The following CMSS1 variants were observed in gnomAD, a reference collection of about 807,000 sequenced individuals.
CMSS1 encodes the protein cms1 ribosomal small subunit homolog, also known as protein CMSS1.
A neutral mutation model predicts 43.5 loss-of-function variants in CMSS1; 33 were observed. The ratio of observed to expected loss-of-function variants is 0.76; its 90% CI spans 0.57 to 1.01. The LOEUF (loss-of-function observed/expected upper bound fraction) is 1.01, where lower values mean the gene tolerates loss of function less well. Among genes scored for constraint, CMSS1 ranks in the 50% least tolerant of loss-of-function variants. The probability of loss-of-function intolerance (pLI) is 0.00; values close to 1 mark genes in which losing one functional copy is unlikely to be tolerated. For synonymous variants in CMSS1, 115 were observed against 117.2 expected (o/e 0.98, Z 0.12); for missense variants, 313 against 326.4 (o/e 0.96, Z 0.32).
intron 1 of CMSS1, among the ~76,000 whole-genome samples, chr3:100,124,268 TGA>T (rs1468487809): frequency 6.6e-6 from 1 of 151,996 alleles, no homozygotes; most frequent in East Asian, 1.9e-4. Context: ...AATTCTGAGG[TGA>T]GAGATATTTC....
intron 1 of CMSS1, among the ~76,000 whole-genome samples, chr3:99,903,245 T>C (rs778641194): frequency 2.7e-5 from 4 of 150,090 alleles, no homozygotes; most frequent in South Asian, 2.1e-4. Flanking sequence ...TGTATATGTA[T>C]ACACATATGC....
chr3:100,064,873 AG>A (rs927520353), intron 1 of CMSS1, among the ~76,000 whole-genome samples: 3 of 100,050 alleles, frequency 3.0e-5, no homozygotes, highest in African/African-American at 1.2e-4. Context: ...AGATTTGGCC[AG>A]GGGCCTGGGG....
intron 5 of CMSS1, 119 bp from the exon 6 acceptor site, chr3:100,167,619 G>T: frequency 1.9e-6 from 1 of 515,070 alleles, no homozygotes. Context: ...TAATTATAAT[G>T]AACCATGCTT....
intron 1 of CMSS1, chr3:99,848,981 C>G: frequency 6.2e-7 from 1 of 1,613,998 alleles, no homozygotes; most frequent in Non-Finnish European, 8.5e-7. Context: ...AGTGGCTGCC[C>G]AGGTGTGTGG....
intron 1 of CMSS1, among the ~76,000 whole-genome samples, chr3:100,109,533 T>C (rs2066452927): frequency 6.6e-6 from 1 of 152,074 alleles, no homozygotes; most frequent in Non-Finnish European, 1.5e-5. Context: ...TCTGTCCCTA[T>C]AGTTTTTGGG....
intron 1 of CMSS1, among the ~76,000 whole-genome samples, chr3:99,975,936 G>A (rs1708956800): frequency 6.6e-6 from 1 of 152,318 alleles, no homozygotes; most frequent in East Asian, 1.9e-4. Flanking sequence ...CCAGGCTGGA[G>A]TGCAGTGGCA....
intron 1 of CMSS1, among the ~76,000 whole-genome samples, chr3:99,993,943 G>T (rs571789171): frequency 1.3e-5 from 2 of 152,254 alleles, no homozygotes; most frequent in East Asian, 1.9e-4. Flanking sequence ...TTCAGTGTGT[G>T]TCCTTGTCTG....
intron 8 of CMSS1, among the ~76,000 whole-genome samples, chr3:100,174,907 TTAA>T (rs545036046): frequency 3.2e-4 from 49 of 152,312 alleles, no homozygotes; most frequent in African/African-American, 1.1e-3. Context: ...CAATCTCTTG[TTAA>T]TAATGAATGT....
chr3:99,930,640 ACTTATG>A, intron 1 of CMSS1: 1 of 945,526 alleles, frequency 1.1e-6, no homozygotes, highest in Non-Finnish European at 1.6e-6. Flanking sequence ...TTGTATATAT[ACTTATG>A]CTTTGCTTTC....
chr3:100,009,496 C>T (rs1710081938), intron 1 of CMSS1, among the ~76,000 whole-genome samples: 1 of 150,688 alleles, frequency 6.6e-6, no homozygotes, highest in South Asian at 2.1e-4. Context: ...CATAGGCAAG[C>T]ACGGTATAGG....
At chr3:99,956,509 C>T (rs1257514317) in intron 1 of CMSS1, among the ~76,000 whole-genome samples, 1 of 152,162 alleles carries the variant, frequency 6.6e-6, no homozygotes, top group African/African-American at 2.4e-5. Flanking sequence ...CCCACTACCA[C>T]ACTCGGCTAA....
At chr3:99,858,352 C>A (rs893954119) in intron 1 of CMSS1, among the ~76,000 whole-genome samples, 2 of 152,010 alleles carry the variant, frequency 1.3e-5, no homozygotes, top group Admixed American at 1.3e-4. Flanking sequence ...GTGGTCCCAG[C>A]TACTTGGGAG....
At chr3:99,978,154 A>G (rs1322258603) in intron 1 of CMSS1, among the ~76,000 whole-genome samples, 1 of 152,212 alleles carries the variant, frequency 6.6e-6, no homozygotes, top group African/African-American at 2.4e-5. Context: ...TTTATAGACT[A>G]AGAGTAGTAT....
chr3:99,892,633 C>T (rs147206764), intron 1 of CMSS1, among the ~76,000 whole-genome samples: 4 of 152,310 alleles, frequency 2.6e-5, no homozygotes, highest in South Asian at 4.1e-4. Flanking sequence ...AAACCTGCAA[C>T]ACCCAGAGGT....
chr3:99,976,744 C>A (rs1056820649), intron 1 of CMSS1, among the ~76,000 whole-genome samples: 1 of 152,038 alleles, frequency 6.6e-6, no homozygotes. Context: ...GTTACTTACC[C>A]TACTCAGAGT....
In CMSS1 at chr3:100,178,424, A is replaced by G. The variant is rs747883697; in HGVS notation, c.*36A>G. ...TAATGAAGATTCCAGTTTTCACAGT[A>G]GAAGTTGCATCTTATTTAATGACTC... On this transcript the variant is annotated 3_prime_UTR_variant, in exon 10 of 10. Transcript: ENST00000421999. 1.5e-6 allele frequency: 2 copies of G among 1,324,052 alleles called. No homozygotes were observed. Among genetic ancestry groups the G allele is most frequent in the African/African-American group, 1.5e-5 (1 of 68,678 alleles). The allele number at this position is 1,324,052 out of a possible 1,614,324, so 82.0% of individuals were successfully genotyped here.
intron 1 of CMSS1, among the ~76,000 whole-genome samples, chr3:99,971,503 G>A (rs1446916150): frequency 6.6e-6 from 1 of 152,140 alleles, no homozygotes; most frequent in Non-Finnish European, 1.5e-5. Context: ...TCAGGAATGA[G>A]GTCTCACAGG....
intron 1 of CMSS1, among the ~76,000 whole-genome samples, chr3:100,049,746 TCTTC>T (rs1262315354): frequency 2.0e-5 from 3 of 152,248 alleles, no homozygotes; most frequent in Non-Finnish European, 4.4e-5. Flanking sequence ...ATGTACTTTC[TCTTC>T]CTTATGATTG....
At chr3:99,983,438 ATATGTATG>A (rs1559713527) in intron 1 of CMSS1, among the ~76,000 whole-genome samples, 36 of 50,622 alleles carry the variant, frequency 7.1e-4, no homozygotes, top group African/African-American at 2.6e-3. Context: ...GTATGTATAT[ATATGTATG>A]TATATATATA....
Sources: gnomAD v4.1 joint callset for allele counts (sites outside exome capture counted in the v4.1 genomes callset) on GRCh38, gnomAD v4.1.1 for gene constraint, MANE v1.5 for transcripts, NCBI Gene and HGNC (gene_info 2026-07-23, HGNC 2026-07-21) for gene names.